The following NAMPT variants were observed in gnomAD, a reference collection of about 807,000 sequenced individuals.
The protein encoded by NAMPT is NAmPRTase.
Under a neutral mutation model 58.7 loss-of-function variants are expected in NAMPT, and 7 were observed. That is an observed-to-expected ratio of 0.12 (90% confidence interval 0.07 to 0.22). The LOEUF (loss-of-function observed/expected upper bound fraction) is 0.22, where lower values mean the gene tolerates loss of function less well. Ranked by LOEUF, NAMPT falls within the 10% of genes least tolerant of loss-of-function variation. The pLI is 1.00. For synonymous variants in NAMPT, 145 were observed against 198.1 expected, an observed-to-expected ratio of 0.73 and a Z score of 2.25; for missense variants, 271 against 567.9, an observed-to-expected ratio of 0.48 and a Z score of 5.31.
intron 1 of NAMPT, 95 bp from the exon 2 acceptor site, chr7:106,277,274 C>T (rs537194345): frequency 1.9e-6 from 2 of 1,061,672 alleles, no homozygotes; most frequent in African/African-American, 3.2e-5. Flanking sequence ...ACCAGAGAAA[C>T]TATATTTCTT....
At chr7:106,256,954 T>TCA (rs1792211978) in intron 8 of NAMPT, among the ~76,000 whole-genome samples, 1 of 152,002 alleles carries the variant, frequency 6.6e-6, no homozygotes, top group South Asian at 2.1e-4. Flanking sequence ...GGCAGGCAGA[T>TCA]CACCTGAGGT....
chr7:106,273,186 C>T (rs577195747), intron 3 of NAMPT, among the ~76,000 whole-genome samples: 3 of 152,278 alleles, frequency 2.0e-5, no homozygotes, highest in East Asian at 3.9e-4. Context: ...CTATTCTGGT[C>T]GTGGACCTGA....
intron 6 of NAMPT, among the ~76,000 whole-genome samples, chr7:106,263,893 T>C (rs10252562): frequency 0.061 from 9,220 of 152,150 alleles, 438 homozygotes; most frequent in African/African-American, 0.13. Flanking sequence ...TGTGTGTGTG[T>C]GTTTTCTGGT....
At chr7:106,280,201 A>C (rs1175632993) in intron 1 of NAMPT, among the ~76,000 whole-genome samples, 1 of 152,154 alleles carries the variant, frequency 6.6e-6, no homozygotes, top group Non-Finnish European at 1.5e-5. Flanking sequence ...AGATGGGAGA[A>C]TTTGCCCAGT....
At chr7:106,285,338 C>A (rs1262782285), upstream of NAMPT, 2 of 463,124 alleles carry the variant, frequency 4.3e-6, no homozygotes, top group Non-Finnish European at 5.7e-6. Flanking sequence ...GTTCCCGGCA[C>A]GGGCGCGGGA....
At chr7:106,283,511 A>G (rs546156938) in intron 1 of NAMPT, among the ~76,000 whole-genome samples, 3 of 152,328 alleles carry the variant, frequency 2.0e-5, no homozygotes, top group Admixed American at 2.0e-4. Flanking sequence ...CAATGAGGCT[A>G]TTCTAAAATC....
chr7:106,256,948 G>C (rs1792211824), intron 8 of NAMPT, among the ~76,000 whole-genome samples: 1 of 151,964 alleles, frequency 6.6e-6, no homozygotes, highest in Admixed American at 6.5e-5. Context: ...GGCCGAGGCA[G>C]GCAGATCACC....
intron 8 of NAMPT, among the ~76,000 whole-genome samples, chr7:106,257,921 G>C (rs533458880): frequency 6.6e-6 from 1 of 152,108 alleles, no homozygotes; most frequent in Non-Finnish European, 1.5e-5. Flanking sequence ...GTGTATACAC[G>C]TAAGTGCTAA....
chr7:106,281,632 C>A (rs752173699), intron 1 of NAMPT, among the ~76,000 whole-genome samples: 15 of 152,250 alleles, frequency 9.9e-5, no homozygotes, highest in Non-Finnish European at 1.6e-4. Flanking sequence ...AAACCATAAC[C>A]GATTCTTCTT....
chr7:106,285,151 C>G (rs1337212029), upstream of NAMPT: 6 of 1,266,994 alleles, frequency 4.7e-6, no homozygotes, highest in Non-Finnish European at 6.0e-6. Flanking sequence ...CGCCTTCACC[C>G]CGTCACCCTC....
chr7:106,251,056 C>G lies in NAMPT; in HGVS notation c.*27G>C. ...TACAATAAACATTATGTATTACATA[C>G]ACACAACACACACCCAGTCATAAAG... On this transcript the variant is annotated 3_prime_UTR_variant, in exon 11 of 11. Coordinates refer to ENST00000222553, the MANE Select transcript of NAMPT (RefSeq NM_005746.3). 1 of 1,428,588 alleles carries G rather than the reference C, an allele frequency of 7.0e-7. No individual in the cohort carries two copies. The highest frequency in any genetic ancestry group is 9.9e-7 in the Non-Finnish European group (1 of 1,011,756). The allele number at this position is 1,428,588 out of a possible 1,614,324, so 88.5% of individuals were successfully genotyped here.
At chr7:106,258,711 T>C (rs970372711) in intron 8 of NAMPT, among the ~76,000 whole-genome samples, 7 of 152,234 alleles carry the variant, frequency 4.6e-5, no homozygotes, top group African/African-American at 1.7e-4. Flanking sequence ...GCATTATGTC[T>C]TAAAAATACA....
At position 106,264,413 on chromosome 7, in the gene NAMPT, G is replaced by A. The variant is rs1396049826; in HGVS notation, c.744-796C>T. On this transcript the variant is annotated intron_variant, in intron 6 of 10. Coordinates refer to ENST00000222553, the MANE Select transcript of NAMPT (RefSeq NM_005746.3). ...AATATGTAATTATAGATTGGGTATC[G>A]CTTATTTGAAATGCTTGGGACCAGA... 5.3e-5 allele frequency among the ~76,000 whole-genome samples: 8 copies of A among 152,096 alleles called. No homozygotes were observed. In the East Asian group the frequency reaches 1.3e-3, roughly 26 times the overall value.
At chr7:106,272,295 A>G in intron 4 of NAMPT, 1 of 346,902 alleles carries the variant, frequency 2.9e-6, no homozygotes, top group Non-Finnish European at 5.4e-6. Context: ...GGTTTTAAAA[A>G]CAATCACTCT....
chr7:106,255,704 A>C (rs534963208), intron 8 of NAMPT, among the ~76,000 whole-genome samples: 3 of 152,332 alleles, frequency 2.0e-5, no homozygotes, highest in African/African-American at 7.2e-5. Flanking sequence ...GGATGCACGC[A>C]AATCCAGTCT....
At chr7:106,277,944 C>T (rs949191725) in intron 1 of NAMPT, among the ~76,000 whole-genome samples, 1 of 152,058 alleles carries the variant, frequency 6.6e-6, no homozygotes, top group Non-Finnish European at 1.5e-5. Context: ...ATGGTTAAAA[C>T]ATGGAAATAA....
At position 106,267,840 on chromosome 7, in the gene NAMPT, C is replaced by CA. The variant is rs769070307; in HGVS notation, c.743+623dup. On this transcript the variant is annotated intron_variant, in intron 6 of 10. Coordinates refer to ENST00000222553, the MANE Select transcript of NAMPT (RefSeq NM_005746.3). ...TGGGCGACAGAGCGAGACTCCGTCT[C>CA]AAAAAAAAAAAAAAAAAAAAAAAAA... 7.5e-4 allele frequency among the ~76,000 whole-genome samples: 25 copies of CA among 33,176 alleles called. 6 individuals are homozygous for CA. In the East Asian group the frequency reaches 8.2e-3, roughly 11 times the overall value. 21.8% of individuals were successfully genotyped at this position (33,176 alleles called of 152,430 possible). A position where few individuals can be genotyped will look rare whatever the true frequency, so the allele number is the denominator to read the frequency against.
chr7:106,266,323 G>T (rs1259220200), intron 6 of NAMPT, among the ~76,000 whole-genome samples: 1 of 152,148 alleles, frequency 6.6e-6, no homozygotes, highest in African/African-American at 2.4e-5. Flanking sequence ...AAGTCCTAAA[G>T]AAGATATTAT....
intron 8 of NAMPT, among the ~76,000 whole-genome samples, chr7:106,260,387 T>G (rs894436337): frequency 1.3e-4 from 20 of 152,254 alleles, no homozygotes; most frequent in Non-Finnish European, 1.0e-4. Context: ...TCTCTTAGGC[T>G]TCACAGAATT....
Sources: allele counts gnomAD v4.1 joint callset (sites outside exome capture counted in the v4.1 genomes callset), GRCh38; gene constraint gnomAD v4.1.1; transcripts MANE v1.5; gene names NCBI Gene and HGNC (gene_info 2026-07-23, HGNC 2026-07-21).